ZFP1: variants seen among roughly 807,000 people sequenced by gnomAD.
ZFP1 encodes the protein zinc finger protein 1 homolog.
In ZFP1, 32 loss-of-function variants were observed where a neutral mutation model predicts 38.5. That is an observed-to-expected ratio of 0.83 (90% CI 0.63 to 1.12). The LOEUF is 1.12. Among genes scored for constraint, ZFP1 ranks in the 50% most tolerant of loss-of-function variants. ZFP1 has a pLI of 0.00. For synonymous variants in ZFP1, 245 were observed against 168.8 expected (o/e 1.45, Z -3.50); for missense variants, 616 against 480.8 (o/e 1.28, Z -2.63).
the ZFP1 span, among the ~76,000 whole-genome samples, chr16:75,125,947 C>A: frequency 1.4e-5 from 2 of 146,240 alleles, no homozygotes; most frequent in Non-Finnish European, 3.0e-5. Flanking sequence ...GAGGCTGAGG[C>A]AAGGAGAATC....
Position 75,170,295 on chromosome 16 carries a change from CAG to C in ZFP1, c.1186_1187del (p.Ser396CysfsTer31). ...GKAFSRKSRL[S>X]VHQRVHIGEK... ...AGGCCTTTAGCAGGAAGTCCCGACT[CAG>C]TGTCCATCAGAGAGTTCACATCGGG... On this transcript the variant is annotated frameshift_variant, in exon 4 of 4. Coordinates refer to ENST00000570010, the MANE Select transcript of ZFP1 (RefSeq NM_153688.4). LOFTEE classifies it high-confidence loss of function. The C allele has an allele frequency of 6.2e-7, 1 of 1,605,576 alleles. No homozygotes were observed. Among genetic ancestry groups the C allele is most frequent in the Non-Finnish European group, 8.5e-7 (1 of 1,175,404 alleles).
At chr16:75,130,896 C>T in the ZFP1 span, among the ~76,000 whole-genome samples, 1 of 151,966 alleles carries the variant, frequency 6.6e-6, no homozygotes, top group Non-Finnish European at 1.5e-5. Flanking sequence ...TTCCTGTGGC[C>T]CCTCAAACAA....
the ZFP1 span, among the ~76,000 whole-genome samples, chr16:75,127,595 A>T: frequency 1.3e-5 from 2 of 152,158 alleles, no homozygotes; most frequent in Non-Finnish European, 2.9e-5. Context: ...TGCTGAAATT[A>T]TAGGCATGAG....
At position 75,170,225 on chromosome 16, in the gene ZFP1, G is replaced by A. The variant is rs776971537; in HGVS notation, c.1115G>A (p.Arg372Gln). The change falls in exon 4 of 4, where the codon CGA (arginine) becomes CAA (glutamine). Residue 372 changes from arginine to glutamine, a missense_variant. Arg to Gln is a conservative substitution (Grantham distance 43). Coordinates refer to ENST00000570010, the MANE Select transcript of ZFP1 (RefSeq NM_153688.4). ...SQRSTLRLHL[R>Q]IHTGEKPYEC... Reference sequence around the variant, plus strand: ...AGGTCAACTCTTAGATTACACTTGCGAATCCACACAGGAGAGAAACCATAT... The same window carrying A: ...AGGTCAACTCTTAGATTACACTTGCAAATCCACACAGGAGAGAAACCATAT... 27 of 1,614,078 alleles carry A rather than the reference G, an allele frequency of 1.7e-5. No homozygotes were observed. The highest frequency in any genetic ancestry group is 2.2e-5 in the South Asian group (2 of 91,066).
chr16:75,170,022 C>CTTCTTTA lies in ZFP1; in HGVS notation c.913_919dup (p.Lys307IlefsTer3), dbSNP rs1031513910. The CTTCTTTA allele has an allele frequency of 6.2e-7, 1 of 1,613,948 alleles. No individual in the cohort carries two copies. Among genetic ancestry groups the CTTCTTTA allele is most frequent in the African/African-American group, 1.3e-5 (1 of 74,870 alleles). On this transcript the variant is annotated frameshift_variant, in exon 4 of 4. Transcript: ENST00000570010. LOFTEE classifies it high-confidence loss of function. ...ATGAGTGTAACGAATGTGCAAAAAC[C>CTTCTTTA]TTCTTTAAGAAGTCAAACCTTATCA...
At chr16:75,165,519 C>T (rs1474689299) in intron 2 of ZFP1, among the ~76,000 whole-genome samples, 3 of 151,968 alleles carry the variant, frequency 2.0e-5, no homozygotes, top group East Asian at 1.9e-4. Flanking sequence ...CCCAGCCTCC[C>T]GAGTAGCTGG....
chr16:75,123,429 A>ATGTGTG, the ZFP1 span, among the ~76,000 whole-genome samples: 62 of 31,672 alleles, frequency 2.0e-3, 1 homozygote, highest in African/African-American at 4.8e-3. Flanking sequence ...ATATATAAGA[A>ATGTGTG]TGTGTGTGTG....
intron 2 of ZFP1, among the ~76,000 whole-genome samples, chr16:75,162,648 T>C (rs1251054089): frequency 6.6e-6 from 1 of 152,106 alleles, no homozygotes; most frequent in African/African-American, 2.4e-5. Flanking sequence ...TACCCAATAG[T>C]TTTTGCCTTT....
the ZFP1 span, among the ~76,000 whole-genome samples, chr16:75,125,621 C>T: frequency 6.6e-6 from 1 of 152,066 alleles, no homozygotes; most frequent in African/African-American, 2.4e-5. Flanking sequence ...CCGTGCCCAG[C>T]TGGAAGTTGT....
chr16:75,139,478 G>A, the ZFP1 span, among the ~76,000 whole-genome samples: 23 of 151,352 alleles, frequency 1.5e-4, no homozygotes, highest in Non-Finnish European at 2.9e-4. Context: ...GATTGCTTGA[G>A]CCCAGGAGTT....
intron 2 of ZFP1, among the ~76,000 whole-genome samples, chr16:75,158,073 C>T (rs1356572144): frequency 6.6e-6 from 1 of 151,800 alleles, no homozygotes; most frequent in Non-Finnish European, 1.5e-5. Flanking sequence ...CAAATGTGAA[C>T]CACCATGCCT....
At chr16:75,125,897 C>G in the ZFP1 span, among the ~76,000 whole-genome samples, 3 of 151,704 alleles carry the variant, frequency 2.0e-5, no homozygotes, top group Non-Finnish European at 4.4e-5. Flanking sequence ...CAAAAATTAG[C>G]CAGGCATGAT....
chr16:75,121,594 T>C, the ZFP1 span, among the ~76,000 whole-genome samples: 1 of 152,194 alleles, frequency 6.6e-6, no homozygotes, highest in African/African-American at 2.4e-5. Flanking sequence ...CTGCCTAGGG[T>C]TGTGAAGCAG....
At chr16:75,150,121 T>C (rs900492055) in intron 1 of ZFP1, among the ~76,000 whole-genome samples, 1 of 152,186 alleles carries the variant, frequency 6.6e-6, no homozygotes, top group African/African-American at 2.4e-5. Flanking sequence ...AATTCAAATT[T>C]TTTTAACTTC....
intron 2 of ZFP1, among the ~76,000 whole-genome samples, chr16:75,155,317 A>G (rs1172011333): frequency 6.6e-6 from 1 of 152,084 alleles, no homozygotes; most frequent in African/African-American, 2.4e-5. Flanking sequence ...ATTTTTTTGT[A>G]GAGATGGAGT....
the ZFP1 span, among the ~76,000 whole-genome samples, chr16:75,122,125 A>G: frequency 1.3e-5 from 2 of 152,242 alleles, no homozygotes; most frequent in Non-Finnish European, 2.9e-5. Flanking sequence ...CACTTTCTGC[A>G]GAAAAGGTGC....
chr16:75,166,807 C>T lies in ZFP1; in HGVS notation c.53C>T (p.Thr18Ile). The T allele has an allele frequency of 1.9e-6, 3 of 1,614,094 alleles. No individual in the cohort carries two copies. The highest frequency in any genetic ancestry group is 2.5e-6 in the Non-Finnish European group (3 of 1,180,024). Reference protein sequence around the residue: ...VSFTDVTVDFTQEEWEQLDPS... With the variant: ...VSFTDVTVDFIQEEWEQLDPS... Reference sequence around the variant, plus strand: ...TTCACGGATGTGACTGTGGACTTTACCCAGGAGGAATGGGAACAACTGGAC... The same window carrying T: ...TTCACGGATGTGACTGTGGACTTTATCCAGGAGGAATGGGAACAACTGGAC... Residue 18 changes from threonine to isoleucine, a missense_variant, in exon 3 of 4, where the codon ACC becomes ATC. Transcript: ENST00000570010.
chr16:75,154,253 G>C lies in ZFP1; in HGVS notation c.15+1287G>C, dbSNP rs559609129. 2.0e-4 allele frequency among the ~76,000 whole-genome samples: 31 copies of C among 152,050 alleles called. 1 individual carries two copies. Among genetic ancestry groups the C allele is most frequent in the African/African-American group, 7.0e-4 (29 of 41,506 alleles). On this transcript the variant is annotated intron_variant, in intron 2 of 3. Transcript: ENST00000570010. ...AAAAAAAAAGAGAAGGTTCCTCCAA[G>C]TCTTTTCTTGGCTTGATAACTCATT...
At position 75,164,240 on chromosome 16, in the gene ZFP1, C is replaced by T. The variant is rs1034629884; in HGVS notation, c.16-2530C>T. Among the ~76,000 whole-genome samples, 8 of 151,612 alleles carry T rather than the reference C, an allele frequency of 5.3e-5. 1 individual carries two copies. Among genetic ancestry groups the T allele is most frequent in the East Asian group, 1.9e-4 (1 of 5,186 alleles). ...ATGTAGGTTTTTAAACCCTGAAGGT[C>T]TTAGTCTTTTAACAGACATTTATCC... On this transcript the variant is annotated intron_variant, in intron 2 of 3. Coordinates refer to ENST00000570010, the MANE Select transcript of ZFP1 (RefSeq NM_153688.4).
Sources: allele counts gnomAD v4.1 joint callset (sites outside exome capture counted in the v4.1 genomes callset), GRCh38; gene constraint gnomAD v4.1.1; transcripts MANE v1.5; gene names NCBI Gene and HGNC (gene_info 2026-07-23, HGNC 2026-07-21).